The following SDK1 variants were observed in gnomAD, a reference collection of about 807,000 sequenced individuals.
SDK1 encodes protein sidekick-1.
Under a neutral mutation model 245.5 loss-of-function variants are expected in SDK1, and 157 were observed. That is an observed-to-expected ratio of 0.64 (90% CI 0.56 to 0.73). The LOEUF is 0.73. Ranked by LOEUF, SDK1 falls within the 30% of genes least tolerant of loss-of-function variation. The pLI is 0.00. For synonymous variants in SDK1, 1,647 were observed against 1,278.5 expected (o/e 1.29, Z -6.15); for missense variants, 3,583 against 3,002.3 (o/e 1.19, Z -4.52).
At position 4,175,756 on chromosome 7, in the gene SDK1, G is replaced by A; in HGVS notation, c.4937-19G>A. 1 of 1,612,318 alleles carries A rather than the reference G, an allele frequency of 6.2e-7. No individual in the cohort carries two copies. Among genetic ancestry groups the A allele is most frequent in the East Asian group, 2.2e-5 (1 of 44,874 alleles). On this transcript the variant is annotated intron_variant, in intron 33 of 44. Coordinates refer to ENST00000404826, the MANE Select transcript of SDK1 (RefSeq NM_152744.4). ...GTCCCTGCGTGCTAACCACCTTTCT[G>A]CTTTGCTTACCCCAATAGCCCAAAG...
chr7:4,175,356 C>T (rs547522536), intron 33 of SDK1, among the ~76,000 whole-genome samples: 12 of 152,304 alleles, frequency 7.9e-5, no homozygotes, highest in South Asian at 2.1e-4. Flanking sequence ...GCTGGGCTTA[C>T]GCACCTGGTC....
intron 4 of SDK1, among the ~76,000 whole-genome samples, chr7:3,700,001 GA>G: frequency 5.6e-3 from 1 of 180 alleles, no homozygotes; most frequent in African/African-American, 0.017. Flanking sequence ...AATGTCATCA[GA>G]TGATCTCTCA....
At chr7:4,009,436 G>A (rs1203874803) in intron 14 of SDK1, among the ~76,000 whole-genome samples, 1 of 152,254 alleles carries the variant, frequency 6.6e-6, no homozygotes, top group Non-Finnish European at 1.5e-5. Context: ...GATACAAGTG[G>A]AAGGGTTTTA....
intron 4 of SDK1, among the ~76,000 whole-genome samples, chr7:3,739,094 T>C (rs1779403260): frequency 2.0e-5 from 3 of 152,352 alleles, no homozygotes; most frequent in Admixed American, 2.0e-4. Flanking sequence ...ACTGTTTTTA[T>C]TTCTGAACTT....
At chr7:3,404,177 C>G (rs1293023540) in intron 1 of SDK1, among the ~76,000 whole-genome samples, 1 of 151,780 alleles carries the variant, frequency 6.6e-6, no homozygotes, top group Non-Finnish European at 1.5e-5. Context: ...TGGGCTGCCA[C>G]AAACCTCCAA....
chr7:3,596,856 C>T (rs568755495), intron 1 of SDK1, among the ~76,000 whole-genome samples: 30 of 152,224 alleles, frequency 2.0e-4, no homozygotes, highest in African/African-American at 6.7e-4. Flanking sequence ...AAGGAAAGCA[C>T]CATAAAAGAT....
In SDK1 at chr7:3,726,957, A is replaced by G. The variant is rs773538080; in HGVS notation, c.713+84852A>G. 7.2e-4 allele frequency among the ~76,000 whole-genome samples: 109 copies of G among 152,374 alleles called. 1 individual carries two copies. The highest frequency in any genetic ancestry group is 1.2e-3 in the Non-Finnish European group (85 of 68,030). On this transcript the variant is annotated intron_variant, in intron 4 of 44. Transcript: ENST00000404826. ...GATAGATTGGAAAGAAACACCATTT[A>G]TTGCATACTAATCAAACTGTAATTG...
chr7:3,454,785 C>T (rs1780623121), intron 1 of SDK1, among the ~76,000 whole-genome samples: 1 of 152,138 alleles, frequency 6.6e-6, no homozygotes, highest in Non-Finnish European at 1.5e-5. Context: ...TGTTGAGCTG[C>T]TGTGAAAATT....
chr7:3,496,234 A>G (rs2128606644), intron 1 of SDK1, among the ~76,000 whole-genome samples: 1 of 152,206 alleles, frequency 6.6e-6, no homozygotes, highest in East Asian at 1.9e-4. Context: ...GGGTCAGATA[A>G]GTTAGCATAT....
chr7:3,607,749 C>T lies in SDK1; in HGVS notation c.299-11331C>T, dbSNP rs185511268. On this transcript the variant is annotated intron_variant, in intron 1 of 44. Coordinates refer to ENST00000404826, the MANE Select transcript of SDK1 (RefSeq NM_152744.4). ...ATGTGTTGTGGATGAAGTTCAAGAT[C>T]CAGCATTCTGTAGGAAGATGCAATT... Among the ~76,000 whole-genome samples, 367 of 152,310 alleles carry T rather than the reference C, an allele frequency of 2.4e-3. 3 individuals are homozygous for T. The highest frequency in any genetic ancestry group is 0.017 in the South Asian group (84 of 4,824).
Position 3,822,381 on chromosome 7 carries a change from C to A in SDK1, c.847+798C>A, listed in dbSNP as rs76910594. Among the ~76,000 whole-genome samples the A allele has an allele frequency of 4.4e-3, 668 of 152,240 alleles. 4 individuals carry two copies. Among genetic ancestry groups the A allele is most frequent in the African/African-American group, 0.014 (592 of 41,532 alleles). On this transcript the variant is annotated intron_variant, in intron 5 of 44. Transcript: ENST00000404826. ...AAATTTCAAAATATTATTATCATAT[C>A]ATATGAGTGAATTATATTGATTTGT... is the stretch of plus-strand genomic sequence containing the variant.
intron 42 of SDK1, among the ~76,000 whole-genome samples, chr7:4,238,023 G>T (rs1251925056): frequency 2.0e-5 from 3 of 152,050 alleles, no homozygotes; most frequent in Admixed American, 6.5e-5. Context: ...ATGTGTCTTG[G>T]ATAAGGGCGT....
chr7:4,172,003 C>T (rs957222109), intron 32 of SDK1, among the ~76,000 whole-genome samples: 9 of 152,338 alleles, frequency 5.9e-5, no homozygotes, highest in African/African-American at 1.4e-4. Flanking sequence ...ACCCCTGGGC[C>T]AGGAGCGGAG....
chr7:3,527,454 G>T (rs572609942), intron 1 of SDK1, among the ~76,000 whole-genome samples: 1 of 152,204 alleles, frequency 6.6e-6, no homozygotes, highest in Non-Finnish European at 1.5e-5. Context: ...ATGAAGGGCA[G>T]TTTAGGGAAG....
At chr7:3,699,692 G>T (rs79052026) in intron 4 of SDK1, among the ~76,000 whole-genome samples, 1 of 152,144 alleles carries the variant, frequency 6.6e-6, no homozygotes, top group East Asian at 1.9e-4. Flanking sequence ...CCAAGAAGAA[G>T]AGAAAGAGGG....
intron 11 of SDK1, among the ~76,000 whole-genome samples, chr7:3,969,893 C>CA (rs553728334): frequency 2.1e-4 from 32 of 152,292 alleles, no homozygotes; most frequent in African/African-American, 7.5e-4. Flanking sequence ...TTTTGCTAAA[C>CA]AATTGTTAGG....
chr7:3,555,819 G>A (rs371991195), intron 1 of SDK1, among the ~76,000 whole-genome samples: 11 of 152,036 alleles, frequency 7.2e-5, no homozygotes, highest in African/African-American at 9.7e-5. Context: ...TGTATTAAAC[G>A]TCATTGATCA....
chr7:4,242,651 G>T (rs1786602488), intron 43 of SDK1, among the ~76,000 whole-genome samples: 1 of 152,120 alleles, frequency 6.6e-6, no homozygotes, highest in Non-Finnish European at 1.5e-5. Flanking sequence ...GCTTTCCCAG[G>T]GTGCCCCAGC....
Position 3,654,832 on chromosome 7 carries a change from A to T in SDK1, c.713+12727A>T, listed in dbSNP as rs182367658. On this transcript the variant is annotated intron_variant, in intron 4 of 44. Transcript: ENST00000404826. ...TCTATGTACCAATTTTTCACTGGAA[A>T]TAAAATACTTCATTTCACATGAGCA... Among the ~76,000 whole-genome samples, 13 of 152,338 alleles carry T rather than the reference A, an allele frequency of 8.5e-5. No individual in the cohort carries two copies. In the South Asian group the frequency reaches 1.2e-3, roughly 15 times the overall value.
Sources: allele counts gnomAD v4.1 joint callset (sites outside exome capture counted in the v4.1 genomes callset), GRCh38; gene constraint gnomAD v4.1.1; transcripts MANE v1.5; gene names NCBI Gene and HGNC (gene_info 2026-07-23, HGNC 2026-07-21).